Variants in ERC2 observed in about 807,000 individuals in gnomAD.
ERC2 encodes the protein ELKS/RAB6-interacting/CAST family member 2, also known as ERC protein 2.
Under a neutral mutation model 114.8 loss-of-function variants are expected in ERC2, and 42 were observed. The observed-to-expected ratio is 0.37, with a 90% CI of 0.29 to 0.47. The LOEUF (loss-of-function observed/expected upper bound fraction) is 0.47, where lower values mean the gene tolerates loss of function less well. Ranked by LOEUF, ERC2 falls within the 20% of genes least tolerant of loss-of-function variation. ERC2 has a pLI of 0.99. For missense variants in ERC2, 939 were observed against 1,150.7 expected (o/e 0.82, Z 2.66); for synonymous variants, 454 against 425.5 (o/e 1.07, Z -0.82).
At chr3:56,391,781 G>C (rs542320519) in intron 2 of ERC2, among the ~76,000 whole-genome samples, 7 of 151,580 alleles carry the variant, frequency 4.6e-5, no homozygotes, top group Non-Finnish European at 8.9e-5. Context: ...CATCTCTCTT[G>C]GGGGGAGAAA....
At chr3:56,240,355 G>C (rs1260880974) in intron 3 of ERC2, among the ~76,000 whole-genome samples, 5 of 152,198 alleles carry the variant, frequency 3.3e-5, no homozygotes, top group Admixed American at 3.3e-4. Context: ...TAACTGAGAT[G>C]TGTAAAATAA....
intron 6 of ERC2, among the ~76,000 whole-genome samples, chr3:56,121,259 T>C (rs2079558198): frequency 6.6e-6 from 1 of 152,196 alleles, no homozygotes; most frequent in African/African-American, 2.4e-5. Context: ...AGTCACTCTT[T>C]CTCGGTTCAT....
chr3:55,731,936 G>A (rs1402787241), intron 15 of ERC2, among the ~76,000 whole-genome samples: 4 of 152,082 alleles, frequency 2.6e-5, no homozygotes, highest in East Asian at 1.9e-4. Flanking sequence ...TCTACTTTAC[G>A]TTTATGAAGA....
intron 3 of ERC2, among the ~76,000 whole-genome samples, chr3:56,229,286 C>T (rs147870744): frequency 8.3e-4 from 127 of 152,298 alleles, no homozygotes; most frequent in African/African-American, 3.0e-3. Context: ...AGGGCAAGTT[C>T]TGTCCTATGT....
At chr3:56,209,506 T>G (rs2048934105) in intron 3 of ERC2, among the ~76,000 whole-genome samples, 1 of 152,208 alleles carries the variant, frequency 6.6e-6, no homozygotes, top group Non-Finnish European at 1.5e-5. Flanking sequence ...ACCATTTCTG[T>G]CAATTTATTG....
intron 14 of ERC2, among the ~76,000 whole-genome samples, chr3:55,754,958 G>T (rs1363876823): frequency 1.3e-5 from 2 of 152,132 alleles, no homozygotes; most frequent in African/African-American, 4.8e-5. Flanking sequence ...TTAAACAAAA[G>T]TGGAGGTGGG....
chr3:55,999,159 T>C (rs1242982319), intron 10 of ERC2, among the ~76,000 whole-genome samples: 1 of 152,150 alleles, frequency 6.6e-6, no homozygotes, highest in Non-Finnish European at 1.5e-5. Context: ...ATATTATTTG[T>C]TTAGAATTAA....
In ERC2 at chr3:55,988,187, G is replaced by A. The variant is rs114668859; in HGVS notation, c.2256-2199C>T. 1.2e-3 allele frequency among the ~76,000 whole-genome samples: 181 copies of A among 152,240 alleles called. 1 individual carries two copies. The highest frequency in any genetic ancestry group is 2.2e-3 in the Non-Finnish European group (151 of 68,010). ...CACTGCATATTTCACTGCCTCTAAG[G>A]TTTAATTAGACACTAGGTTCTGTAA... is the stretch of plus-strand genomic sequence containing the variant. On this transcript the variant is annotated intron_variant, in intron 11 of 17. Coordinates refer to ENST00000288221, the MANE Select transcript of ERC2 (RefSeq NM_015576.3).
chr3:55,832,042 G>A (rs1034982468), intron 14 of ERC2, among the ~76,000 whole-genome samples: 5 of 152,234 alleles, frequency 3.3e-5, no homozygotes, highest in East Asian at 1.9e-4. Flanking sequence ...CGTCAGCAGC[G>A]AGGCTGGGGG....
chr3:55,729,608 TG>T (rs1334731429), intron 15 of ERC2, among the ~76,000 whole-genome samples: 2 of 151,592 alleles, frequency 1.3e-5, no homozygotes, highest in Non-Finnish European at 2.9e-5. Context: ...GAGGCCAAGG[TG>T]GGAGGATTGC....
At chr3:56,264,146 A>G (rs1015030777) in intron 3 of ERC2, among the ~76,000 whole-genome samples, 2 of 152,232 alleles carry the variant, frequency 1.3e-5, no homozygotes, top group African/African-American at 2.4e-5. Flanking sequence ...TAAACAAAGT[A>G]GTTTCCTCAG....
chr3:56,079,648 G>A (rs1390938491), intron 7 of ERC2, among the ~76,000 whole-genome samples: 1 of 152,096 alleles, frequency 6.6e-6, no homozygotes, highest in Non-Finnish European at 1.5e-5. Context: ...AGGTCCCTAT[G>A]CTTGGTTTAA....
At chr3:55,718,670 G>A (rs2064266549) in intron 15 of ERC2, among the ~76,000 whole-genome samples, 1 of 152,168 alleles carries the variant, frequency 6.6e-6, no homozygotes, top group South Asian at 2.1e-4. Flanking sequence ...AGGATGCTCT[G>A]CCTGCCCCTC....
chr3:55,915,584 G>A (rs2065047151), intron 13 of ERC2, among the ~76,000 whole-genome samples: 1 of 152,146 alleles, frequency 6.6e-6, no homozygotes, highest in Admixed American at 6.5e-5. Context: ...TGACATTTGA[G>A]CTAATGGGGA....
intron 15 of ERC2, among the ~76,000 whole-genome samples, chr3:55,728,065 T>C (rs754110284): frequency 1.6e-4 from 24 of 152,172 alleles, no homozygotes; most frequent in Non-Finnish European, 2.9e-4. Flanking sequence ...AGGATCATGA[T>C]TGATCAATGA....
At chr3:55,851,444 T>C (rs1348231638) in intron 14 of ERC2, among the ~76,000 whole-genome samples, 1 of 152,206 alleles carries the variant, frequency 6.6e-6, no homozygotes, top group Non-Finnish European at 1.5e-5. Flanking sequence ...GGGAATGCAC[T>C]GGAGAATGAC....
chr3:55,867,668 G>A (rs113698411), intron 14 of ERC2, among the ~76,000 whole-genome samples: 147 of 152,144 alleles, frequency 9.7e-4, no homozygotes, highest in African/African-American at 3.1e-3. Flanking sequence ...GAGTAAACTC[G>A]TTCTTCTTTT....
intron 14 of ERC2, among the ~76,000 whole-genome samples, chr3:55,835,804 A>T (rs947586262): frequency 9.9e-5 from 15 of 152,024 alleles, no homozygotes; most frequent in African/African-American, 3.6e-4. Context: ...GAAAAGAGGA[A>T]GTCAGATTGT....
rs548430062 is a variant in ERC2 at position 55,707,481 on chromosome 3, G to A, written c.2713-7969C>T. 4.6e-5 allele frequency among the ~76,000 whole-genome samples: 7 copies of A among 152,258 alleles called. No individual in the cohort carries two copies. In the South Asian group the frequency reaches 8.3e-4, roughly 18 times the overall value. Reference sequence around the variant, plus strand: ...TCTGCTGCCACCTTAGGAACCTGGGGAATCCCCTGAAGGGTTATGGACAGT... The same window carrying A: ...TCTGCTGCCACCTTAGGAACCTGGGAAATCCCCTGAAGGGTTATGGACAGT... On this transcript the variant is annotated intron_variant, in intron 15 of 17. Transcript: ENST00000288221.
Sources: gnomAD v4.1 joint callset for allele counts (sites outside exome capture counted in the v4.1 genomes callset) on GRCh38, gnomAD v4.1.1 for gene constraint, MANE v1.5 for transcripts, NCBI Gene and HGNC (gene_info 2026-07-23, HGNC 2026-07-21) for gene names.